The following RALGPS2 variants were observed in gnomAD, a reference collection of about 807,000 sequenced individuals.
RALGPS2 encodes ras-specific guanine nucleotide-releasing factor RalGPS2.
In RALGPS2, 43 loss-of-function variants were observed where a neutral mutation model predicts 86.8. That is an observed-to-expected ratio of 0.50 (90% CI 0.39 to 0.64). RALGPS2 has a LOEUF of 0.64. Among genes scored for constraint, RALGPS2 ranks in the 30% least tolerant of loss-of-function variants. The pLI is 0.00. For synonymous variants in RALGPS2, 243 were observed against 231.3 expected, an observed-to-expected ratio of 1.05 and a Z score of -0.46; for missense variants, 536 against 694.6, an observed-to-expected ratio of 0.77 and a Z score of 2.57.
intron 8 of RALGPS2, among the ~76,000 whole-genome samples, chr1:178,876,051 T>C (rs1396296251): frequency 6.6e-6 from 1 of 152,192 alleles, no homozygotes; most frequent in Non-Finnish European, 1.5e-5. Context: ...AAAGATTTAC[T>C]GAGTGGAAAA....
chr1:178,881,835 T>A (rs1659261276), intron 10 of RALGPS2, among the ~76,000 whole-genome samples: 1 of 152,186 alleles, frequency 6.6e-6, no homozygotes, highest in South Asian at 2.1e-4. Flanking sequence ...TAAGATGTCA[T>A]TAAAATTATT....
At chr1:178,822,859 T>G (rs1422720438) in intron 7 of RALGPS2, among the ~76,000 whole-genome samples, 2 of 152,328 alleles carry the variant, frequency 1.3e-5, no homozygotes, top group African/African-American at 4.8e-5. Flanking sequence ...TTTTATTTTT[T>G]GCATCCAGGC....
chr1:178,751,853 T>A (rs1651698665), intron 1 of RALGPS2, among the ~76,000 whole-genome samples: 1 of 152,194 alleles, frequency 6.6e-6, no homozygotes, highest in African/African-American at 2.4e-5. Context: ...ATGCAAATAT[T>A]TATGTTGTTA....
At chr1:178,877,394 C>T (rs935098842) in intron 8 of RALGPS2, 104 bp from the exon 9 acceptor site, 16 of 1,468,696 alleles carry the variant, frequency 1.1e-5, no homozygotes, top group Admixed American at 9.1e-5. Context: ...TTAAATGTAG[C>T]GTACAGTGGA....
At chr1:178,829,815 G>T (rs1035001583) in intron 7 of RALGPS2, among the ~76,000 whole-genome samples, 12 of 151,968 alleles carry the variant, frequency 7.9e-5, no homozygotes, top group African/African-American at 2.9e-4. Context: ...CACAATCTTG[G>T]CTCACTGCAA....
intron 1 of RALGPS2, among the ~76,000 whole-genome samples, chr1:178,734,498 A>G (rs956545724): frequency 8.5e-5 from 13 of 152,356 alleles, no homozygotes; most frequent in African/African-American, 3.1e-4. Flanking sequence ...CTCTGTGAAT[A>G]TGCTATAAAC....
At chr1:178,726,993 T>C (rs1051974161) in intron 1 of RALGPS2, among the ~76,000 whole-genome samples, 2 of 152,210 alleles carry the variant, frequency 1.3e-5, no homozygotes, top group Admixed American at 1.3e-4. Flanking sequence ...AAACTGAGCA[T>C]CCAAACAGTA....
chr1:178,854,334 C>T (rs573196483), intron 8 of RALGPS2, among the ~76,000 whole-genome samples: 4 of 152,110 alleles, frequency 2.6e-5, no homozygotes, highest in Non-Finnish European at 5.9e-5. Flanking sequence ...GTGGAACATA[C>T]TAGTACCTTG....
intron 1 of RALGPS2, among the ~76,000 whole-genome samples, chr1:178,745,140 A>G (rs1651243318): frequency 6.6e-6 from 1 of 152,122 alleles, no homozygotes; most frequent in African/African-American, 2.4e-5. Flanking sequence ...GGAGATAGAT[A>G]CTCTTTGTTT....
intron 4 of RALGPS2, among the ~76,000 whole-genome samples, chr1:178,806,901 G>A (rs931986077): frequency 6.6e-6 from 1 of 152,176 alleles, no homozygotes; most frequent in Admixed American, 6.5e-5. Context: ...GCAGGCTGAA[G>A]CCTATGGAAT....
chr1:178,889,762 A>G, intron 14 of RALGPS2, 66 bp downstream of exon 14: 1 of 1,152,244 alleles, frequency 8.7e-7, no homozygotes, highest in Non-Finnish European at 1.3e-6. Flanking sequence ...ATATAATACA[A>G]ATTTTCAGAG....
intron 4 of RALGPS2, among the ~76,000 whole-genome samples, chr1:178,802,679 A>C (rs1321502720): frequency 6.6e-6 from 1 of 152,134 alleles, no homozygotes; most frequent in Admixed American, 6.6e-5. Flanking sequence ...TACTATGGTT[A>C]ATTTTATGCA....
chr1:178,851,829 G>A (rs1657194361), intron 8 of RALGPS2, among the ~76,000 whole-genome samples: 1 of 152,092 alleles, frequency 6.6e-6, no homozygotes, highest in Non-Finnish European at 1.5e-5. Context: ...TGTGCTGTTT[G>A]CCAAAATACA....
At chr1:178,883,237 A>T (rs1242607250) in intron 10 of RALGPS2, among the ~76,000 whole-genome samples, 1 of 152,222 alleles carries the variant, frequency 6.6e-6, no homozygotes, top group Admixed American at 6.5e-5. Context: ...CTGTAATCCC[A>T]GCACTTTGGG....
At chr1:178,805,539 C>T (rs1020266863) in intron 4 of RALGPS2, among the ~76,000 whole-genome samples, 12 of 151,968 alleles carry the variant, frequency 7.9e-5, no homozygotes, top group African/African-American at 2.9e-4. Context: ...ATAGGGAATC[C>T]TTTCCCCATT....
At chr1:178,850,193 A>C (rs1657082211) in intron 8 of RALGPS2, 1 of 152,640 alleles carries the variant, frequency 6.6e-6, no homozygotes, top group South Asian at 2.1e-4. Context: ...CTGAGCATGC[A>C]CTAATACTTG....
chr1:178,745,822 C>CTTTTTTTTTTTTTTT (rs34277622), intron 1 of RALGPS2, among the ~76,000 whole-genome samples: 5 of 86,100 alleles, frequency 5.8e-5, no homozygotes, highest in Admixed American at 1.4e-4. Flanking sequence ...TTCAATTCTT[C>CTTTTTTTTTTTTTTT]TTTTTTTTTT....
At chr1:178,814,754 G>A (rs598880) in intron 6 of RALGPS2, among the ~76,000 whole-genome samples, 150,715 of 152,324 alleles carry the variant, frequency 0.99, 74,559 homozygotes, top group Middle Eastern at 1. Context: ...CTGTCCCCTC[G>A]TCTCTTTAGC....
chr1:178,824,338 T>C (rs1184414421), intron 7 of RALGPS2, among the ~76,000 whole-genome samples: 1 of 152,136 alleles, frequency 6.6e-6, no homozygotes. Flanking sequence ...GGACCAAAGA[T>C]TTGTTGTATT....
Sources: gnomAD v4.1 joint callset for allele counts (sites outside exome capture counted in the v4.1 genomes callset) on GRCh38, gnomAD v4.1.1 for gene constraint, MANE v1.5 for transcripts, NCBI Gene and HGNC (gene_info 2026-07-23, HGNC 2026-07-21) for gene names.